DGKI: variants seen among roughly 807,000 people sequenced by gnomAD.
The protein encoded by DGKI is diacylglycerol kinase iota, also known as DAG kinase iota.
In DGKI, 55 loss-of-function variants were observed where a neutral mutation model predicts 147.5. The ratio of observed to expected loss-of-function variants is 0.37; its 90% CI spans 0.30 to 0.47. DGKI has a LOEUF of 0.47. DGKI is among the 20% of genes least tolerant of loss of function. The pLI is 1.00. For missense variants in DGKI, 1,007 were observed against 1,323.8 expected (o/e 0.76, Z 3.71); for synonymous variants, 469 against 477.1 (o/e 0.98, Z 0.22).
At chr7:137,595,948 G>A (rs1819775504) in intron 12 of DGKI, among the ~76,000 whole-genome samples, 1 of 128,636 alleles carries the variant, frequency 7.8e-6, no homozygotes, top group African/African-American at 2.9e-5. Flanking sequence ...GTTGCAGTGA[G>A]CTGAGATTGT....
chr7:137,395,753 A>G (rs1811527312), intron 31 of DGKI, 56 bp from the exon 32 acceptor site: 1 of 1,541,416 alleles, frequency 6.5e-7, no homozygotes, highest in South Asian at 1.1e-5. Flanking sequence ...GCAGCAGGGA[A>G]TGGGTGAGGG....
At chr7:137,786,602 G>A (rs1796677121) in intron 1 of DGKI, among the ~76,000 whole-genome samples, 2 of 148,652 alleles carry the variant, frequency 1.3e-5, no homozygotes, top group Admixed American at 1.3e-4. Flanking sequence ...ATTCTTCACA[G>A]AACTAGAAAA....
Position 137,825,572 on chromosome 7 carries a change from T to C in DGKI, c.401+20890A>G, listed in dbSNP as rs1488170180. 2.0e-5 allele frequency among the ~76,000 whole-genome samples: 3 copies of C among 152,088 alleles called. No individual in the cohort carries two copies. In the East Asian group the frequency reaches 5.8e-4, roughly 29 times the overall value. ...CCTATCTGAGGATTAGCAAGTGACATGAAAAACGCCCATTTACACAGGCAT... is the reference window on the plus strand; with the variant it reads ...CCTATCTGAGGATTAGCAAGTGACACGAAAAACGCCCATTTACACAGGCAT... On this transcript the variant is annotated intron_variant, in intron 1 of 32. Coordinates refer to ENST00000614521, the MANE Select transcript of DGKI (RefSeq NM_001321708.2).
intron 28 of DGKI, among the ~76,000 whole-genome samples, chr7:137,415,919 G>C (rs1812341897): frequency 6.6e-6 from 1 of 152,132 alleles, no homozygotes; most frequent in African/African-American, 2.4e-5. Flanking sequence ...ACCCTTGGGA[G>C]GCAGAGGTTG....
chr7:137,465,193 A>G (rs1332817895), intron 26 of DGKI, among the ~76,000 whole-genome samples: 2 of 152,120 alleles, frequency 1.3e-5, no homozygotes, highest in African/African-American at 4.8e-5. Flanking sequence ...TTAGGTCTCA[A>G]TTTTTTAATC....
intron 1 of DGKI, among the ~76,000 whole-genome samples, chr7:137,796,829 C>T (rs1475307214): frequency 6.6e-6 from 1 of 152,060 alleles, no homozygotes; most frequent in Non-Finnish European, 1.5e-5. Flanking sequence ...CATGAGCCAG[C>T]ATACCAACAT....
At chr7:137,568,234 T>C (rs1431739093) in intron 19 of DGKI, among the ~76,000 whole-genome samples, 4 of 152,240 alleles carry the variant, frequency 2.6e-5, no homozygotes, top group African/African-American at 7.2e-5. Flanking sequence ...AAACTACTTA[T>C]AGTTCCCACA....
chr7:137,720,240 T>C (rs1342141653), intron 1 of DGKI, among the ~76,000 whole-genome samples: 1 of 146,104 alleles, frequency 6.8e-6, no homozygotes, highest in Non-Finnish European at 1.5e-5. Context: ...TTTTTCACAC[T>C]TGAAAAAATC....
At chr7:137,810,671 C>G (rs959761792) in intron 1 of DGKI, among the ~76,000 whole-genome samples, 1 of 152,182 alleles carries the variant, frequency 6.6e-6, no homozygotes, top group African/African-American at 2.4e-5. Flanking sequence ...AAAGAATTGG[C>G]TGGGGCTTTC....
chr7:137,454,549 C>T (rs924284358), intron 27 of DGKI, among the ~76,000 whole-genome samples: 31 of 152,196 alleles, frequency 2.0e-4, no homozygotes, highest in Admixed American at 5.9e-4. Flanking sequence ...TTTATCCTGA[C>T]GATGTAGCCA....
intron 20 of DGKI, among the ~76,000 whole-genome samples, chr7:137,528,662 T>C (rs6945473): frequency 0.041 from 6,271 of 152,238 alleles, 291 homozygotes; most frequent in African/African-American, 0.11. Flanking sequence ...GGAAGCATTA[T>C]AGAGTCAAAA....
chr7:137,836,877 C>G (rs1798399200), intron 1 of DGKI, among the ~76,000 whole-genome samples: 1 of 152,156 alleles, frequency 6.6e-6, no homozygotes, highest in South Asian at 2.1e-4. Flanking sequence ...CTCTCTATGT[C>G]TTGTGTGAGG....
intron 1 of DGKI, among the ~76,000 whole-genome samples, chr7:137,761,292 C>A (rs562499018): frequency 6.6e-6 from 1 of 152,208 alleles, no homozygotes; most frequent in Non-Finnish European, 1.5e-5. Context: ...CACAGGACTT[C>A]GGCATCCTTT....
chr7:137,809,257 G>A (rs1318782452), intron 1 of DGKI, among the ~76,000 whole-genome samples: 1 of 152,134 alleles, frequency 6.6e-6, no homozygotes, highest in Non-Finnish European at 1.5e-5. Flanking sequence ...ACGGGAACAG[G>A]AGGCTACAGA....
chr7:137,539,249 G>A (rs1382020916), intron 20 of DGKI, among the ~76,000 whole-genome samples: 1 of 152,130 alleles, frequency 6.6e-6, no homozygotes, highest in Non-Finnish European at 1.5e-5. Flanking sequence ...GTTGGCCCTG[G>A]ACATGAACAC....
At chr7:137,616,498 A>C (rs986822339) in intron 8 of DGKI, among the ~76,000 whole-genome samples, 4 of 152,114 alleles carry the variant, frequency 2.6e-5, no homozygotes, top group African/African-American at 9.7e-5. Flanking sequence ...AGAAAGAACC[A>C]AGACTCTGAT....
chr7:137,638,613 C>CATATATATATATGTGTGTATATAT (rs1554446609), intron 6 of DGKI, among the ~76,000 whole-genome samples: 15 of 15,740 alleles, frequency 9.5e-4, no homozygotes, highest in East Asian at 2.7e-3. Context: ...TATATATATA[C>CATATATATATATGTGTGTATATAT]ACACACACAT....
chr7:137,604,979 A>G (rs1820124766), intron 10 of DGKI, among the ~76,000 whole-genome samples: 1 of 152,184 alleles, frequency 6.6e-6, no homozygotes. Context: ...AGTAAACTTT[A>G]TGTTACACTT....
chr7:137,777,106 T>C (rs903293728), intron 1 of DGKI, among the ~76,000 whole-genome samples: 51 of 152,122 alleles, frequency 3.4e-4, no homozygotes, highest in Admixed American at 2.6e-3. Flanking sequence ...AGCAGATGAT[T>C]GCTTAAGCCC....
Sources: gnomAD v4.1 joint callset for allele counts (sites outside exome capture counted in the v4.1 genomes callset) on GRCh38, gnomAD v4.1.1 for gene constraint, MANE v1.5 for transcripts, NCBI Gene and HGNC (gene_info 2026-07-23, HGNC 2026-07-21) for gene names.